NRXN1: variants seen among roughly 807,000 people sequenced by gnomAD.
The protein encoded by NRXN1 is neurexin-1.
Under a neutral mutation model 150.9 loss-of-function variants are expected in NRXN1, and 39 were observed. The observed-to-expected ratio is 0.26, with a 90% confidence interval of 0.20 to 0.34. NRXN1 has a LOEUF of 0.34. Ranked by LOEUF, NRXN1 falls within the 10% of genes least tolerant of loss-of-function variation. The pLI is 1.00. For missense variants in NRXN1, 1,815 were observed against 1,949.9 expected, an observed-to-expected ratio of 0.93 and a Z score of 1.30; for synonymous variants, 924 against 757.0, an observed-to-expected ratio of 1.22 and a Z score of -3.62.
intron 17 of NRXN1, among the ~76,000 whole-genome samples, chr2:50,433,145 G>A (rs1431990636): frequency 6.6e-6 from 1 of 152,186 alleles, no homozygotes; most frequent in Admixed American, 6.5e-5. Flanking sequence ...GCTATTCTAT[G>A]GAAAGATGTA....
chr2:50,249,212 GC>G (rs2066806844), intron 17 of NRXN1, among the ~76,000 whole-genome samples: 2 of 151,062 alleles, frequency 1.3e-5, no homozygotes, highest in Admixed American at 6.6e-5. Flanking sequence ...GATTCAAAAG[GC>G]AGGGGATGGT....
chr2:50,023,072 G>A (rs1038382341), intron 21 of NRXN1: 1 of 152,190 alleles, frequency 6.6e-6, no homozygotes, highest in Non-Finnish European at 1.5e-5. Flanking sequence ...ACTGAAGATA[G>A]TGATTTGCAG....
chr2:50,462,683 T>C (rs1273268732), intron 17 of NRXN1, among the ~76,000 whole-genome samples: 1 of 151,866 alleles, frequency 6.6e-6, no homozygotes, highest in Non-Finnish European at 1.5e-5. Flanking sequence ...TTAACAAACA[T>C]TTCATTAAAA....
chr2:50,636,042 C>T (rs1376302899), intron 5 of NRXN1, among the ~76,000 whole-genome samples: 1 of 152,038 alleles, frequency 6.6e-6, no homozygotes, highest in Non-Finnish European at 1.5e-5. Context: ...AAAAAATCAG[C>T]TTTTTACCAA....
At chr2:50,007,049 A>G (rs1684884659) in intron 21 of NRXN1, among the ~76,000 whole-genome samples, 1 of 152,128 alleles carries the variant, frequency 6.6e-6, no homozygotes, top group Non-Finnish European at 1.5e-5. Flanking sequence ...TTTCTGTGCT[A>G]TCAAGGGAAC....
At chr2:50,539,609 T>A (rs765092867) in intron 9 of NRXN1, among the ~76,000 whole-genome samples, 2 of 152,202 alleles carry the variant, frequency 1.3e-5, no homozygotes, top group African/African-American at 4.8e-5. Flanking sequence ...TGATACTTTA[T>A]CTTCAGAAAG....
intron 21 of NRXN1, among the ~76,000 whole-genome samples, chr2:50,052,421 G>T (rs1398791577): frequency 6.6e-6 from 1 of 151,994 alleles, no homozygotes; most frequent in African/African-American, 2.4e-5. Context: ...AATACCAACA[G>T]GAATCTAATG....
At chr2:50,832,078 A>G (rs1671485167) in intron 5 of NRXN1, among the ~76,000 whole-genome samples, 1 of 152,200 alleles carries the variant, frequency 6.6e-6, no homozygotes, top group Admixed American at 6.5e-5. Flanking sequence ...GGAAAATATT[A>G]TTTTAGGCAT....
rs572758147 is a variant in NRXN1, at chr2:50,829,999, G to GAAAAAAAAAAAAAAAAAAAAAA, written c.832+91848_832+91869dup. ...GGAACCCAAAGAATACTGCCTGCTG[G>GAAAAAAAAAAAAAAAAAAAAAA]AAAAAAAAAAAAAAAAAAAAAAAAA... On this transcript the variant is annotated intron_variant, in intron 5 of 22. Coordinates refer to ENST00000401669, the MANE Select transcript of NRXN1 (RefSeq NM_001330078.2). 6.9e-5 allele frequency among the ~76,000 whole-genome samples: 4 copies of GAAAAAAAAAAAAAAAAAAAAAA among 58,180 alleles called. 1 individual carries two copies. The highest frequency in any genetic ancestry group is 5.0e-4 in the Admixed American group (2 of 3,990). The allele number at this position is 58,180 out of a possible 152,430, so 38.2% of individuals were successfully genotyped here.
chr2:50,697,511 G>A (rs936339174), intron 5 of NRXN1, among the ~76,000 whole-genome samples: 2 of 152,174 alleles, frequency 1.3e-5, no homozygotes, highest in Non-Finnish European at 2.9e-5. Flanking sequence ...GGTTTTGTCA[G>A]TTGTACCTTC....
chr2:50,978,305 T>TAA (rs1166784758), intron 2 of NRXN1, among the ~76,000 whole-genome samples: 5 of 121,630 alleles, frequency 4.1e-5, no homozygotes, highest in East Asian at 2.4e-4. Flanking sequence ...TATATATATA[T>TAA]AAAATATATA....
At chr2:50,621,002 GC>G (rs1172591944) in intron 7 of NRXN1, 8 of 466,112 alleles carry the variant, frequency 1.7e-5, no homozygotes, top group East Asian at 1.7e-4. Flanking sequence ...CGTTAACGAT[GC>G]CCCTACAGGT....
chr2:50,833,534 C>T (rs1671693973), intron 5 of NRXN1, among the ~76,000 whole-genome samples: 1 of 152,136 alleles, frequency 6.6e-6, no homozygotes, highest in Non-Finnish European at 1.5e-5. Flanking sequence ...CTGACAGAAA[C>T]AAGCTAGTCT....
intron 17 of NRXN1, among the ~76,000 whole-genome samples, chr2:50,244,583 A>T (rs1574704304): frequency 6.6e-6 from 1 of 152,026 alleles, no homozygotes; most frequent in Admixed American, 6.6e-5. Context: ...CTAAGAATAT[A>T]AATTCAGAAA....
intron 15 of NRXN1, among the ~76,000 whole-genome samples, chr2:50,476,666 C>T (rs923810994): frequency 2.0e-5 from 3 of 151,984 alleles, no homozygotes; most frequent in African/African-American, 7.3e-5. Flanking sequence ...CTGTTTCTAG[C>T]ACAACTGGAG....
intron 19 of NRXN1, among the ~76,000 whole-genome samples, chr2:50,072,473 G>A (rs1295758019): frequency 6.7e-6 from 1 of 150,272 alleles, no homozygotes; most frequent in East Asian, 2.0e-4. Flanking sequence ...AAGTACCAAA[G>A]GACAAGCACA....
chr2:50,066,160 G>A (rs1695328408), intron 19 of NRXN1, among the ~76,000 whole-genome samples: 1 of 152,092 alleles, frequency 6.6e-6, no homozygotes, highest in Non-Finnish European at 1.5e-5. Context: ...TCGGCTAGAT[G>A]TTAGAAAAGC....
At chr2:50,949,375 G>C (rs944076880) in intron 2 of NRXN1, among the ~76,000 whole-genome samples, 4 of 151,952 alleles carry the variant, frequency 2.6e-5, no homozygotes, top group African/African-American at 9.7e-5. Flanking sequence ...CCAAGAGTCA[G>C]ATAATGGCAT....
intron 19 of NRXN1, among the ~76,000 whole-genome samples, chr2:50,061,740 T>C (rs1167730572): frequency 2.0e-5 from 3 of 152,230 alleles, no homozygotes; most frequent in East Asian, 3.8e-4. Flanking sequence ...ACTTTTCCCA[T>C]GATAAAAGCA....
Sources: gnomAD v4.1 joint callset for allele counts (sites outside exome capture counted in the v4.1 genomes callset) on GRCh38, gnomAD v4.1.1 for gene constraint, MANE v1.5 for transcripts, NCBI Gene and HGNC (gene_info 2026-07-23, HGNC 2026-07-21) for gene names.